UROS: variants seen among roughly 807,000 people sequenced by gnomAD.
UROS encodes uroporphyrinogen III synthase.
A neutral mutation model predicts 33.0 loss-of-function variants in UROS; 18 were observed. The observed-to-expected ratio is 0.55, with a 90% confidence interval of 0.38 to 0.81. The LOEUF is 0.81. Ranked by LOEUF, UROS falls within the 30% of genes least tolerant of loss-of-function variation. The pLI is 0.00. For missense variants in UROS, 293 were observed against 314.9 expected (o/e 0.93, Z 0.53); for synonymous variants, 114 against 121.1 (o/e 0.94, Z 0.38).
chr10:125,814,300 G>T (rs1373047360), intron 4 of UROS, among the ~76,000 whole-genome samples: 1 of 152,184 alleles, frequency 6.6e-6, no homozygotes, highest in Non-Finnish European at 1.5e-5. Flanking sequence ...TAACCACTCT[G>T]CCCGCTGCCT....
chr10:125,809,095 C>A (rs1159518516), intron 5 of UROS, among the ~76,000 whole-genome samples: 1 of 152,224 alleles, frequency 6.6e-6, no homozygotes, highest in Non-Finnish European at 1.5e-5. Context: ...GAATGTACTA[C>A]CAAGTTTGGC....
intron 9 of UROS, among the ~76,000 whole-genome samples, chr10:125,790,502 G>A (rs966552631): frequency 1.3e-5 from 2 of 152,166 alleles, no homozygotes; most frequent in African/African-American, 4.8e-5. Flanking sequence ...CAAATCGTAT[G>A]TCTGATAAAA....
chr10:125,786,112 G>A (rs1010141875), downstream of UROS, among the ~76,000 whole-genome samples: 7 of 151,948 alleles, frequency 4.6e-5, no homozygotes, highest in Admixed American at 2.6e-4. Context: ...GCTTCCACCC[G>A]GCTTCCCACA....
intron 9 of UROS, chr10:125,792,251 G>C (rs931080331): frequency 6.6e-6 from 1 of 152,170 alleles, no homozygotes; most frequent in African/African-American, 2.4e-5. Context: ...CAACAGTTTG[G>C]TGAAACAGCA....
At chr10:125,788,580 A>C (rs986192751), downstream of UROS, 18 of 1,358,132 alleles carry the variant, frequency 1.3e-5, no homozygotes, top group African/African-American at 2.6e-4. Flanking sequence ...CCATACACTC[A>C]GTAAGCACAG....
chr10:125,800,171 A>G (rs1032411451), intron 6 of UROS, among the ~76,000 whole-genome samples: 2 of 152,174 alleles, frequency 1.3e-5, no homozygotes, highest in African/African-American at 2.4e-5. Context: ...GAGGCAGACA[A>G]ATGCCTAGGC....
At chr10:125,797,792 C>T (rs891466781) in intron 7 of UROS, among the ~76,000 whole-genome samples, 7 of 152,226 alleles carry the variant, frequency 4.6e-5, no homozygotes, top group East Asian at 1.9e-4. Context: ...CTCCACATCT[C>T]GATCTCCTGT....
At chr10:125,785,756 C>T (rs1199977328), downstream of UROS, 1 of 152,262 alleles carries the variant, frequency 6.6e-6, no homozygotes, top group Non-Finnish European at 1.5e-5. Flanking sequence ...GCCAGTTGCA[C>T]TTTACTTTGG....
intron 9 of UROS, chr10:125,793,301 G>C (rs1851084314): frequency 7.3e-6 from 1 of 136,186 alleles, no homozygotes; most frequent in South Asian, 2.4e-4. Flanking sequence ...AACTGTGTTA[G>C]GCTTATACCA....
rs1368088462 is a variant in UROS, at chr10:125,816,158, C to T, written c.147+19G>A. On this transcript the variant is annotated intron_variant, in intron 3 of 9. Coordinates refer to ENST00000368797, the MANE Select transcript of UROS (RefSeq NM_000375.3). ...AGAAATCAAACACTAACATGGTGCT[C>T]AGTCACAACAGGCCTTACCTTCTCA... The T allele has an allele frequency of 1.2e-5, 20 of 1,608,262 alleles. No individual in the cohort carries two copies. Among genetic ancestry groups the T allele is most frequent in the Non-Finnish European group, 1.6e-5 (19 of 1,174,788 alleles).
In UROS at chr10:125,812,104, T is replaced by A. The variant is rs1852868539; in HGVS notation, c.319+110A>T. 14 of 1,023,372 alleles carry A rather than the reference T, an allele frequency of 1.4e-5. No homozygotes were observed. The Admixed American group carries it at 2.6e-4, about 19-fold the overall frequency. The allele number at this position is 1,023,372 out of a possible 1,614,324, so 63.4% of individuals were successfully genotyped here. The stretch of plus-strand genomic sequence containing the variant: ...TAGTATCGTATACTTAATTAATTTT[T>A]GCAAATTTAATAAGCAAAAAATAAT... On this transcript the variant is annotated intron_variant, in intron 5 of 9. Transcript: ENST00000368797.
chr10:125,785,379 T>G (rs2133790647), downstream of UROS: 1 of 152,336 alleles, frequency 6.6e-6, no homozygotes, highest in East Asian at 1.9e-4. Flanking sequence ...AATGTAGTTC[T>G]TATTCCAAAT....
chr10:125,786,341 G>T (rs564632614), downstream of UROS, among the ~76,000 whole-genome samples: 3 of 149,556 alleles, frequency 2.0e-5, no homozygotes, highest in South Asian at 2.1e-4. Flanking sequence ...GCAGTGGCAC[G>T]ATCTCAGCTC....
chr10:125,801,784 A>G (rs1851857896), intron 6 of UROS, among the ~76,000 whole-genome samples: 1 of 152,254 alleles, frequency 6.6e-6, no homozygotes, highest in African/African-American at 2.4e-5. Flanking sequence ...GCCTTGAGTC[A>G]GTTAACTGAA....
intron 6 of UROS, 23 bp from the exon 7 acceptor site, chr10:125,798,168 T>C (rs377297117): frequency 3.1e-5 from 50 of 1,612,546 alleles, no homozygotes; most frequent in Non-Finnish European, 3.9e-5. Context: ...AACCAGGCTT[T>C]GTGAAAACTC....
intron 1 of UROS, among the ~76,000 whole-genome samples, chr10:125,821,846 C>G (rs1853937162): frequency 6.6e-6 from 1 of 152,162 alleles, no homozygotes; most frequent in African/African-American, 2.4e-5. Flanking sequence ...GCTGCCCCAT[C>G]AGATGTGGAG....
chr10:125,815,450 G>A (rs10794026), intron 3 of UROS, among the ~76,000 whole-genome samples: 63,916 of 151,992 alleles, frequency 0.42, 13,697 homozygotes, highest in Non-Finnish European at 0.46. Flanking sequence ...GGATTAGAGT[G>A]GGGTGCAGGT....
intron 5 of UROS, among the ~76,000 whole-genome samples, chr10:125,811,700 T>A (rs961009016): frequency 6.6e-6 from 1 of 152,200 alleles, no homozygotes. Context: ...TTTTAAGTAT[T>A]TAAAATGCTC....
Position 125,823,241 on chromosome 10 carries a change from C to G in UROS, c.-239G>C. On this transcript the variant is annotated 5_prime_UTR_variant, in exon 1 of 10. Coordinates refer to ENST00000368797, the MANE Select transcript of UROS (RefSeq NM_000375.3). ...GGGTCGCGTGGGTGGCTGCGCGCAG[C>G]TAGGCGCTCGCGCATGCGCACCGCC... 3 of 261,092 alleles carry G rather than the reference C, an allele frequency of 1.1e-5. No individual in the cohort carries two copies. The highest frequency in any genetic ancestry group is 1.5e-5 in the Non-Finnish European group (2 of 136,680). The allele number at this position is 261,092 out of a possible 1,614,324, so 16.2% of individuals were successfully genotyped here. A position where few individuals can be genotyped will look rare whatever the true frequency, so the allele number is the denominator to read the frequency against.
Sources: gnomAD v4.1 joint callset for allele counts (sites outside exome capture counted in the v4.1 genomes callset) on GRCh38, gnomAD v4.1.1 for gene constraint, MANE v1.5 for transcripts, NCBI Gene and HGNC (gene_info 2026-07-23, HGNC 2026-07-21) for gene names.